Variants in SPRY3 observed in about 807,000 individuals in gnomAD.
The protein encoded by SPRY3 is protein sprouty homolog 3.
A neutral mutation model predicts 20.2 loss-of-function variants in SPRY3; 15 were observed. That is an observed-to-expected ratio of 0.74 (90% CI 0.50 to 1.14). The LOEUF (loss-of-function observed/expected upper bound fraction) is 1.14, where lower values mean the gene tolerates loss of function less well. SPRY3 is among the 50% of genes most tolerant of loss of function. SPRY3 has a pLI of 0.00. For missense variants in SPRY3, 364 were observed against 363.9 expected (o/e 1.00, Z 0.00); for synonymous variants, 143 against 136.5 (o/e 1.05, Z -0.33).
chrX:155,727,074 C>T (rs2091103349), intron 2 of SPRY3, among the ~76,000 whole-genome samples: 6 of 152,030 alleles, frequency 3.9e-5, no homozygotes. Context: ...CTTAGTTTGG[C>T]TGGATAAGAA....
chrX:155,765,683 T>C (rs1041072703), intron 2 of SPRY3, among the ~76,000 whole-genome samples: 5 of 152,218 alleles, frequency 3.3e-5, no homozygotes, highest in Non-Finnish European at 5.9e-5. Flanking sequence ...TTGTTTTCAT[T>C]GTTGCCTTAA....
chrX:155,622,407 T>C, intron 1 of SPRY3, among the ~76,000 whole-genome samples: 1 of 111,804 alleles, frequency 8.9e-6, no homozygotes, highest in Admixed American at 9.5e-5. Flanking sequence ...TTGAGCTCCA[T>C]AATTCACTGT....
chrX:155,721,871 A>C (rs1197323276), intron 2 of SPRY3, among the ~76,000 whole-genome samples: 1 of 152,166 alleles, frequency 6.6e-6, no homozygotes, highest in Non-Finnish European at 1.5e-5. Flanking sequence ...CTGAAGGTAC[A>C]AAACTCACTA....
chrX:155,766,709 C>G (rs1237290409), intron 2 of SPRY3, among the ~76,000 whole-genome samples: 1 of 152,134 alleles, frequency 6.6e-6, no homozygotes, highest in Non-Finnish European at 1.5e-5. Flanking sequence ...AAAGCTTTGT[C>G]CTTGGCTTTA....
intron 2 of SPRY3, among the ~76,000 whole-genome samples, chrX:155,726,428 C>A (rs1247452585): frequency 6.6e-6 from 1 of 152,120 alleles, no homozygotes; most frequent in South Asian, 2.1e-4. Context: ...GTGTTAAAGT[C>A]TCCCATTATT....
At chrX:155,648,227 C>T (rs1371230874) in intron 1 of SPRY3, among the ~76,000 whole-genome samples, 1 of 111,997 alleles carries the variant, frequency 8.9e-6, no homozygotes, top group Non-Finnish European at 1.9e-5. Flanking sequence ...AGATTGCAAA[C>T]ATTTTCTCTC....
At chrX:155,637,355 C>G (rs973250614) in intron 1 of SPRY3, among the ~76,000 whole-genome samples, 39 of 111,150 alleles carry the variant, frequency 3.5e-4, no homozygotes, top group African/African-American at 1.2e-3. Context: ...GTGTTATGCT[C>G]TGTGATGTTG....
intron 1 of SPRY3, among the ~76,000 whole-genome samples, chrX:155,627,445 G>A (rs782282145): frequency 9.0e-6 from 1 of 111,602 alleles, no homozygotes; most frequent in East Asian, 2.8e-4. Context: ...AAGTGGTACT[G>A]GAATAATATT....
chrX:155,626,604 T>C (rs2067889054), intron 1 of SPRY3, among the ~76,000 whole-genome samples: 1 of 111,760 alleles, frequency 8.9e-6, no homozygotes, highest in African/African-American at 3.2e-5. Context: ...TTTGGTGTTA[T>C]ATCTAAGAAA....
intron 1 of SPRY3, among the ~76,000 whole-genome samples, chrX:155,651,431 C>G (rs1419099218): frequency 1.8e-5 from 2 of 111,531 alleles, no homozygotes; most frequent in Non-Finnish European, 3.8e-5. Flanking sequence ...TTGCAGTTCC[C>G]CCTGGTGGCT....
intron 2 of SPRY3, among the ~76,000 whole-genome samples, chrX:155,675,767 A>C (rs1557355185): frequency 8.9e-6 from 1 of 111,997 alleles, no homozygotes; most frequent in African/African-American, 3.2e-5. Context: ...TATTATGCTT[A>C]GGAGAAAAGA....
chrX:155,648,758 A>T, intron 1 of SPRY3, among the ~76,000 whole-genome samples: 1 of 111,606 alleles, frequency 9.0e-6, no homozygotes, highest in East Asian at 2.8e-4. Flanking sequence ...AGAAGATAAG[A>T]AGTAACTAAG....
At chrX:155,754,458 C>T (rs890613020) in intron 2 of SPRY3, among the ~76,000 whole-genome samples, 8 of 151,900 alleles carry the variant, frequency 5.3e-5, no homozygotes, top group African/African-American at 1.9e-4. Context: ...ATATGTATAT[C>T]CTTATTCCAG....
chrX:155,773,833 C>T (rs2091400010), exon 4 of SPRY3: 1 of 1,591,186 alleles, frequency 6.3e-7, no homozygotes, highest in Non-Finnish European at 8.6e-7. Context: ...AAGTGCCACC[C>T]TGACTTAAAA....
At chrX:155,639,583 T>A (rs1401701386) in intron 1 of SPRY3, among the ~76,000 whole-genome samples, 1 of 112,559 alleles carries the variant, frequency 8.9e-6, no homozygotes, top group East Asian at 2.8e-4. Flanking sequence ...TATTCTGCTG[T>A]ATGTATACAC....
intron 2 of SPRY3, among the ~76,000 whole-genome samples, chrX:155,694,827 G>A (rs954890351): frequency 1.8e-5 from 2 of 110,961 alleles, no homozygotes; most frequent in African/African-American, 6.6e-5. Context: ...TGTTCTGACA[G>A]GAGGTAGCAC....
At chrX:155,697,688 T>C (rs909638324) in intron 2 of SPRY3, among the ~76,000 whole-genome samples, 2 of 109,045 alleles carry the variant, frequency 1.8e-5, no homozygotes, top group Non-Finnish European at 3.8e-5. Context: ...TCTGTTTTTC[T>C]GGAGAACGCT....
intron 2 of SPRY3, among the ~76,000 whole-genome samples, chrX:155,674,878 G>C (rs1457903447): frequency 9.0e-6 from 1 of 111,352 alleles, no homozygotes; most frequent in Non-Finnish European, 1.9e-5. Context: ...AAGGACTACA[G>C]ATCTTTCTAT....
chrX:155,660,248 T>C (rs782271364), intron 2 of SPRY3, among the ~76,000 whole-genome samples: 3 of 112,130 alleles, frequency 2.7e-5, no homozygotes, highest in Middle Eastern at 4.7e-3. Flanking sequence ...TTTCAAAATT[T>C]TCAAATTTCC....
Sources: allele counts gnomAD v4.1 joint callset (sites outside exome capture counted in the v4.1 genomes callset), GRCh38; gene constraint gnomAD v4.1.1; transcripts MANE v1.5; gene names NCBI Gene and HGNC (gene_info 2026-07-23, HGNC 2026-07-21).